ADCY3: variants seen among roughly 807,000 people sequenced by gnomAD.
The protein encoded by ADCY3 is adenylate cyclase 3.
ADCY3 carries 70 observed loss-of-function variants against 119.4 expected under a neutral mutation model. That is an observed-to-expected ratio of 0.59 (90% CI 0.48 to 0.72). The LOEUF is 0.72. ADCY3 is among the 30% of genes least tolerant of loss of function. The probability of loss-of-function intolerance (pLI) is 0.00; values close to 1 mark genes in which losing one functional copy is unlikely to be tolerated. For synonymous variants in ADCY3, 672 were observed against 621.4 expected (o/e 1.08, Z -1.21); for missense variants, 1,238 against 1,541.6 (o/e 0.80, Z 3.30).
chr2:24,912,848 CA>C (rs1663954762), intron 2 of ADCY3, among the ~76,000 whole-genome samples: 1 of 152,170 alleles, frequency 6.6e-6, no homozygotes, highest in Non-Finnish European at 1.5e-5. Flanking sequence ...TCTGTTTATA[CA>C]CAGATCGGGG....
At chr2:24,825,155 G>A (rs1047787456) in intron 16 of ADCY3, among the ~76,000 whole-genome samples, 2 of 152,148 alleles carry the variant, frequency 1.3e-5, no homozygotes, top group African/African-American at 4.8e-5. Flanking sequence ...AACTCAGGGT[G>A]GAGTCCCCCT....
chr2:24,879,452 C>CAAAAA (rs34029858), intron 2 of ADCY3, among the ~76,000 whole-genome samples: 2 of 66,078 alleles, frequency 3.0e-5, no homozygotes, highest in South Asian at 5.4e-4. Context: ...GACTCTGTCT[C>CAAAAA]AAAAAAAAAA....
In ADCY3 at chr2:24,834,870, C is replaced by T; in HGVS notation, c.1729G>A (p.Val577Met). The change falls in exon 10 of 22, where the codon GTG becomes ATG. Residue 577 changes from valine (V) to methionine (M), a missense_variant. Val to Met is a conservative substitution (Grantham distance 21). Transcript: ENST00000679454. The surrounding 1 kb of genome is among the most constrained non-coding windows in gnomAD (Gnocchi z 4.2). The stretch of plus-strand genomic sequence containing the variant: ...TCGTGCTCATCTTCAGAGGCATCCA[C>T]CACTCGGTCAGCCAGGTCCTGCAGG... ...LRLQDLADRV[V>M]DASEDEHELN... 6.2e-7 allele frequency: 1 copy of T among 1,613,930 alleles called. No individual in the cohort carries two copies.
At chr2:24,836,027 A>G (rs1670285486) in intron 9 of ADCY3, among the ~76,000 whole-genome samples, 1 of 151,924 alleles carries the variant, frequency 6.6e-6, no homozygotes, top group Admixed American at 6.6e-5. Flanking sequence ...CCCCAGCCAC[A>G]TCTTCCCCTT....
chr2:24,840,179 G>C (rs1056504760), intron 6 of ADCY3, 148 bp from the exon 7 acceptor site: 21 of 1,135,088 alleles, frequency 1.9e-5, no homozygotes, highest in Non-Finnish European at 2.6e-5. Context: ...GTGTTGGGTG[G>C]GGGGTAAGGC....
At chr2:24,863,760 C>T (rs1199245094) in intron 3 of ADCY3, among the ~76,000 whole-genome samples, 2 of 152,210 alleles carry the variant, frequency 1.3e-5, no homozygotes, top group Non-Finnish European at 2.9e-5. Context: ...CAAAGGAACT[C>T]TTCCAAACTT....
intron 21 of ADCY3, 23 bp downstream of exon 21, chr2:24,820,701 G>C: frequency 1.9e-6 from 3 of 1,613,532 alleles, no homozygotes; most frequent in Non-Finnish European, 2.5e-6. Context: ...CTGAGCACGT[G>C]CCAGCTGTGC....
intron 2 of ADCY3, among the ~76,000 whole-genome samples, chr2:24,879,604 C>T (rs938970364): frequency 2.0e-5 from 3 of 151,954 alleles, no homozygotes; most frequent in Admixed American, 6.6e-5. Flanking sequence ...TTACAAGAAT[C>T]TTCATGTTCA....
intron 2 of ADCY3, among the ~76,000 whole-genome samples, chr2:24,897,262 T>TCTCCTC (rs953391188): frequency 6.7e-6 from 1 of 148,476 alleles, no homozygotes; most frequent in African/African-American, 2.5e-5. Flanking sequence ...TCCTCCCCCT[T>TCTCCTC]CTCCTCCTCC....
At chr2:24,895,528 G>C (rs1678159893) in intron 2 of ADCY3, among the ~76,000 whole-genome samples, 1 of 151,868 alleles carries the variant, frequency 6.6e-6, no homozygotes, top group African/African-American at 2.4e-5. Context: ...CTGTTCTTTT[G>C]AGACTTCAAT....
intron 2 of ADCY3, among the ~76,000 whole-genome samples, chr2:24,893,206 A>G (rs542516758): frequency 8.2e-4 from 125 of 151,970 alleles, no homozygotes; most frequent in Non-Finnish European, 1.3e-3. Flanking sequence ...GCTAATTTTT[A>G]AAAAAATTTT....
chr2:24,911,038 C>T (rs1368907689), intron 2 of ADCY3, among the ~76,000 whole-genome samples: 2 of 151,908 alleles, frequency 1.3e-5, no homozygotes, highest in Non-Finnish European at 2.9e-5. Context: ...AGAGAAGGTG[C>T]ATATGAGGGC....
chr2:24,886,547 C>G (rs1677053269), intron 2 of ADCY3, among the ~76,000 whole-genome samples: 1 of 152,222 alleles, frequency 6.6e-6, no homozygotes, highest in African/African-American at 2.4e-5. Context: ...TCACCTCACT[C>G]TGCCCTCCTG....
At chr2:24,907,571 A>T (rs11689543) in intron 2 of ADCY3, among the ~76,000 whole-genome samples, 79,182 of 151,936 alleles carry the variant, frequency 0.52, 22,801 homozygotes, top group African/African-American at 0.78. Context: ...AGGACTGAAA[A>T]CCTGCTCAGA....
At chr2:24,840,168 G>T in intron 6 of ADCY3, 137 bp from the exon 7 acceptor site, 1 of 1,203,958 alleles carries the variant, frequency 8.3e-7, no homozygotes. Context: ...CCCACAGCTT[G>T]GTGTTGGGTG....
At position 24,820,127 on chromosome 2, in the gene ADCY3, G is replaced by A. The variant is rs185920316; in HGVS notation, c.3253-13C>T. 17 of 1,533,014 alleles carry A rather than the reference G, an allele frequency of 1.1e-5. No individual in the cohort carries two copies. The Admixed American group carries it at 1.2e-4, about 11-fold the overall frequency. 95.0% of individuals were successfully genotyped at this position (1,533,014 alleles called of 1,614,324 possible). On this transcript the variant is annotated splice_polypyrimidine_tract_variant and intron_variant, in intron 21 of 21. Transcript: ENST00000679454. ...TTTCTTCTACCACCTGGAGAGGGAG[G>A]GGGAGCAAGAACGTGGCGTTACGGG... is the stretch of plus-strand genomic sequence containing the variant.
chr2:24,844,676 G>C (rs1003857389), intron 3 of ADCY3, among the ~76,000 whole-genome samples: 1 of 152,208 alleles, frequency 6.6e-6, no homozygotes, highest in Non-Finnish European at 1.5e-5. Context: ...AATCAGCTCT[G>C]CTACAGGTCC....
chr2:24,854,107 G>A (rs1359380800), intron 3 of ADCY3, among the ~76,000 whole-genome samples: 1 of 152,160 alleles, frequency 6.6e-6, no homozygotes, highest in East Asian at 1.9e-4. Flanking sequence ...GGCCTGTGGT[G>A]GCTTCACTCT....
In ADCY3 at chr2:24,827,584, C is replaced by G. The variant is rs1263468525; in HGVS notation, c.2457G>C (p.Gln819His). 6.3e-7 allele frequency: 1 copy of G among 1,589,210 alleles called. No homozygotes were observed. The highest frequency in any genetic ancestry group is 8.6e-7 in the Non-Finnish European group (1 of 1,164,806). The change falls in exon 15 of 22, where the codon CAG becomes CAC. Residue 819 changes from glutamine to histidine, a missense_variant. Around this residue, in one of 7 missense-constraint regions of ADCY3, gnomAD observed 499 missense variants for 571.0 expected, o/e 0.87. Transcript: ENST00000679454. Reference protein sequence around the residue: ...EHDLPMVALEQMQGFNPGLNG... With the variant: ...EHDLPMVALEHMQGFNPGLNG... ...TGAGCCCAGGGTTGAATCCTTGCAT[C>G]TGCTCTAAGGCCACCATAGGTAAGC... is the stretch of plus-strand genomic sequence containing the variant.
Sources: allele counts gnomAD v4.1 joint callset (sites outside exome capture counted in the v4.1 genomes callset), GRCh38; gene constraint gnomAD v4.1.1; regional missense constraint gnomAD v4.1.1; non-coding constraint Gnocchi (gnomAD v3.1); transcripts MANE v1.5; gene names NCBI Gene and HGNC (gene_info 2026-07-23, HGNC 2026-07-21).